Variants in PALD1 observed in about 807,000 individuals in gnomAD.
PALD1 encodes paladin.
Under a neutral mutation model 96.0 loss-of-function variants are expected in PALD1, and 57 were observed. The observed-to-expected ratio is 0.59, with a 90% CI of 0.48 to 0.74. The LOEUF (loss-of-function observed/expected upper bound fraction) is 0.74. Among genes scored for constraint, PALD1 ranks in the 30% least tolerant of loss-of-function variants. The pLI, the probability that PALD1 is intolerant of heterozygous loss-of-function variation, is 0.00. For missense variants in PALD1, 1,063 were observed against 1,143.7 expected (o/e 0.93, Z 1.02); for synonymous variants, 464 against 473.6 (o/e 0.98, Z 0.26).
chr10:70,460,523 A>G, the PALD1 span, among the ~76,000 whole-genome samples: 1 of 151,520 alleles, frequency 6.6e-6, no homozygotes, highest in Non-Finnish European at 1.5e-5. Flanking sequence ...ACAACATCCA[A>G]CCTCATACCA....
At chr10:70,546,742 G>C (rs1847372527) in intron 17 of PALD1, among the ~76,000 whole-genome samples, 1 of 152,202 alleles carries the variant, frequency 6.6e-6, no homozygotes, top group Non-Finnish European at 1.5e-5. Context: ...TTTAGCCCAG[G>C]AGTTCGAGAT....
chr10:70,516,487 T>C (rs1347700154), intron 1 of PALD1, among the ~76,000 whole-genome samples: 5 of 152,224 alleles, frequency 3.3e-5, no homozygotes, highest in African/African-American at 4.8e-5. Context: ...TAATAACATA[T>C]ATTATTTAAC....
intron 1 of PALD1, among the ~76,000 whole-genome samples, chr10:70,504,717 G>A (rs61497666): frequency 0.013 from 2,053 of 152,270 alleles, 46 homozygotes; most frequent in African/African-American, 0.046. Flanking sequence ...GAAGACAGCT[G>A]GATTCTCATG....
intron 1 of PALD1, among the ~76,000 whole-genome samples, chr10:70,510,553 A>G (rs749501520): frequency 1.3e-5 from 2 of 152,130 alleles, no homozygotes; most frequent in Non-Finnish European, 2.9e-5. Flanking sequence ...TTTTCAGAAG[A>G]AGGCATTGCC....
At chr10:70,468,768 G>A in the PALD1 span, among the ~76,000 whole-genome samples, 5 of 133,538 alleles carry the variant, frequency 3.7e-5, no homozygotes, top group Non-Finnish European at 6.4e-5. Context: ...ATGGAGTCTC[G>A]CTCTGTCACC....
At chr10:70,475,857 T>G (rs1564677738), upstream of PALD1, among the ~76,000 whole-genome samples, 1 of 152,174 alleles carries the variant, frequency 6.6e-6, no homozygotes, top group South Asian at 2.1e-4. Flanking sequence ...GTTACTCATA[T>G]TCTTTGCAGC....
intron 1 of PALD1, among the ~76,000 whole-genome samples, chr10:70,498,959 T>A (rs1846244603): frequency 6.6e-6 from 1 of 151,916 alleles, no homozygotes. Flanking sequence ...CATACGTCTT[T>A]GGGATTGAGT....
At position 70,546,142 on chromosome 10, in the gene PALD1, C is replaced by T. The variant is rs542373634; in HGVS notation, c.2122-1164C>T. ...ATCCCAGCTACTCGGGAGGCTGAGGCGGGAGAATTTCTTGAACCTAAGAGG... is the reference window on the plus strand; with the variant it reads ...ATCCCAGCTACTCGGGAGGCTGAGGTGGGAGAATTTCTTGAACCTAAGAGG... On this transcript the variant is annotated intron_variant, in intron 17 of 19. Transcript: ENST00000263563. Among the ~76,000 whole-genome samples, 15 of 151,994 alleles carry T rather than the reference C, an allele frequency of 9.9e-5. No homozygotes were observed. The South Asian group carries it at 1.9e-3, about 19-fold the overall frequency.
rs138955291 is a variant in PALD1 at position 70,489,754 on chromosome 10, C to CT, written c.-30+10696dup. On this transcript the variant is annotated intron_variant, in intron 1 of 19. Transcript: ENST00000263563. ...CAAAGAGCTGTTGTCTCACCACAGTCTAATTTTACAACATTTTCATCAACC... is the reference window on the plus strand; with the variant it reads ...CAAAGAGCTGTTGTCTCACCACAGTCTTAATTTTACAACATTTTCATCAACC... Among the ~76,000 whole-genome samples the CT allele has an allele frequency of 8.9e-3, 1,352 of 152,276 alleles. 32 individuals carry two copies. Among genetic ancestry groups the CT allele is most frequent in the African/African-American group, 0.031 (1,298 of 41,550 alleles).
intron 2 of PALD1, among the ~76,000 whole-genome samples, chr10:70,527,873 C>T (rs1444202177): frequency 2.0e-5 from 3 of 152,098 alleles, no homozygotes; most frequent in Non-Finnish European, 2.9e-5. Context: ...GTTGGTGTGC[C>T]GCACCCACCA....
intron 19 of PALD1, among the ~76,000 whole-genome samples, chr10:70,565,281 G>A (rs1847821463): frequency 6.6e-6 from 1 of 152,162 alleles, no homozygotes; most frequent in Non-Finnish European, 1.5e-5. Flanking sequence ...CCGGCCTCCT[G>A]GATCCTCTCT....
rs1486610547 is a variant in PALD1 at position 70,540,643 on chromosome 10, ACTGCCTGCGGT to A, written c.1909-454_1909-444del. On this transcript the variant is annotated intron_variant, in intron 15 of 19. Coordinates refer to ENST00000263563, the MANE Select transcript of PALD1 (RefSeq NM_014431.3). This position sits in a 1 kb window ranked among gnomAD's most constrained non-coding sequence, Gnocchi z 4.2. ...CCTGGCGCATCTCTTCGCGGCTCTC[ACTGCCTGCGGT>A]CTGCTGCCTCCTGGTGGCCTTGTGC... Among the ~76,000 whole-genome samples, 1 of 152,036 alleles carries A rather than the reference ACTGCCTGCGGT, an allele frequency of 6.6e-6. No homozygotes were observed. The highest frequency in any genetic ancestry group is 2.4e-5 in the African/African-American group (1 of 41,370).
intron 1 of PALD1, among the ~76,000 whole-genome samples, chr10:70,504,726 T>A (rs10740352): frequency 1.3e-5 from 2 of 152,190 alleles, no homozygotes; most frequent in South Asian, 4.1e-4. Flanking sequence ...TGGATTCTCA[T>A]GCCTGCCTCT....
chr10:70,504,929 A>G lies in PALD1; in HGVS notation c.-29-20994A>G, dbSNP rs73270837. 3.8e-3 allele frequency among the ~76,000 whole-genome samples: 583 copies of G among 152,370 alleles called. 4 individuals carry two copies. The highest frequency in any genetic ancestry group is 0.013 in the African/African-American group (548 of 41,592). On this transcript the variant is annotated intron_variant, in intron 1 of 19. Coordinates refer to ENST00000263563, the MANE Select transcript of PALD1 (RefSeq NM_014431.3). Reference sequence around the variant, plus strand: ...AAATGTGGAATCTGAAAGCACATTAATGAACATTTTGTACCTCGTCACGTT... The same window carrying G: ...AAATGTGGAATCTGAAAGCACATTAGTGAACATTTTGTACCTCGTCACGTT...
chr10:70,478,396 G>A (rs2132246851), upstream of PALD1, among the ~76,000 whole-genome samples: 1 of 152,356 alleles, frequency 6.6e-6, no homozygotes, highest in East Asian at 1.9e-4. Context: ...AGCCGGGCCA[G>A]CGGGTGTCGC....
the PALD1 span, among the ~76,000 whole-genome samples, chr10:70,462,539 G>A: frequency 6.6e-6 from 1 of 152,376 alleles, no homozygotes; most frequent in East Asian, 1.9e-4. Flanking sequence ...GCTGGGGAGA[G>A]GCTGCCTACT....
chr10:70,558,574 G>A (rs867485711), intron 18 of PALD1, among the ~76,000 whole-genome samples: 6 of 152,134 alleles, frequency 3.9e-5, no homozygotes, highest in African/African-American at 1.4e-4. Context: ...CATCAGGGCC[G>A]TGGTCTGTTG....
chr10:70,539,283 G>C lies in PALD1; in HGVS notation c.1725+36G>C. On this transcript the variant is annotated intron_variant, in intron 14 of 19. Coordinates refer to ENST00000263563, the MANE Select transcript of PALD1 (RefSeq NM_014431.3). The surrounding 1 kb of genome is among the most constrained non-coding windows in gnomAD (Gnocchi z 4.5). Reference sequence around the variant, plus strand: ...CTGCCCTCTAGGCACCCCTGCCTCCGAGGCTTCTGGGGAGTGGCCTGGGAG... The same window carrying C: ...CTGCCCTCTAGGCACCCCTGCCTCCCAGGCTTCTGGGGAGTGGCCTGGGAG... 6.4e-7 allele frequency: 1 copy of C among 1,574,078 alleles called. No individual in the cohort carries two copies.
chr10:70,507,282 G>A (rs1846410913), intron 1 of PALD1, among the ~76,000 whole-genome samples: 1 of 151,956 alleles, frequency 6.6e-6, no homozygotes, highest in Admixed American at 6.6e-5. Context: ...CATGGTGGCG[G>A]GTGCCTATAA....
Sources: gnomAD v4.1 joint callset for allele counts (sites outside exome capture counted in the v4.1 genomes callset) on GRCh38, gnomAD v4.1.1 for gene constraint, Gnocchi (gnomAD v3.1) non-coding constraint, MANE v1.5 for transcripts, NCBI Gene and HGNC (gene_info 2026-07-23, HGNC 2026-07-21) for gene names.